Variants in CTNNA3 observed in about 807,000 individuals in gnomAD.
CTNNA3 encodes catenin alpha 3.
Under a neutral mutation model 95.7 loss-of-function variants are expected in CTNNA3, and 76 were observed. That is an observed-to-expected ratio of 0.79 (90% CI 0.66 to 0.96). CTNNA3 has a LOEUF of 0.96. Among genes scored for constraint, CTNNA3 ranks in the 40% least tolerant of loss-of-function variants. The pLI is 0.00. For synonymous variants in CTNNA3, 431 were observed against 374.4 expected, an observed-to-expected ratio of 1.15 and a Z score of -1.74; for missense variants, 1,191 against 1,089.8, an observed-to-expected ratio of 1.09 and a Z score of -1.31.
chr10:67,762,381 C>G (rs1841466433), intron 1 of CTNNA3, among the ~76,000 whole-genome samples: 1 of 149,076 alleles, frequency 6.7e-6, no homozygotes, highest in African/African-American at 2.5e-5. Context: ...CCCTCCCCCC[C>G]CCAAAAAAAA....
At chr10:66,563,698 T>C (rs1284128280) in intron 10 of CTNNA3, among the ~76,000 whole-genome samples, 1 of 151,954 alleles carries the variant, frequency 6.6e-6, no homozygotes, top group Non-Finnish European at 1.5e-5. Context: ...CACAAGGAAA[T>C]TCCTTGTGGA....
chr10:67,750,220 C>A lies in CTNNA3; in HGVS notation c.-2+13214G>T, dbSNP rs139976182. ...AGACCAAGAACCCACTGGAAGGAACCAACTCTGGACACAGCAGGACGTGAG... is the reference window on the plus strand; with the variant it reads ...AGACCAAGAACCCACTGGAAGGAACAAACTCTGGACACAGCAGGACGTGAG... On this transcript the variant is annotated intron_variant, in intron 1 of 17. Coordinates refer to the CTNNA3 transcript ENST00000684154. The A allele has an allele frequency of 5.8e-4, 846 of 1,449,012 alleles. 6 individuals carry two copies. In the African/African-American group the frequency reaches 0.01, roughly 18 times the overall value. The allele number at this position is 1,449,012 out of a possible 1,614,324, so 89.8% of individuals were successfully genotyped here. A position where few individuals can be genotyped will look rare whatever the true frequency, so the allele number is the denominator to read the frequency against.
chr10:66,390,738 G>C (rs12414395), intron 11 of CTNNA3, among the ~76,000 whole-genome samples: 24,702 of 152,046 alleles, frequency 0.16, 2,740 homozygotes, highest in East Asian at 0.45. Context: ...GCTTATCTAT[G>C]TACTTACAGA....
At chr10:66,999,032 T>C (rs988495434) in intron 7 of CTNNA3, among the ~76,000 whole-genome samples, 3 of 152,154 alleles carry the variant, frequency 2.0e-5, no homozygotes, top group African/African-American at 7.2e-5. Flanking sequence ...AATGTATTTA[T>C]TACTATTTTA....
chr10:67,762,551 GAAGGA>G (rs1250832666), intron 1 of CTNNA3, among the ~76,000 whole-genome samples: 7 of 152,152 alleles, frequency 4.6e-5, no homozygotes. Context: ...CAACTGCACA[GAAGGA>G]AAGATAAAAA....
intron 7 of CTNNA3, among the ~76,000 whole-genome samples, chr10:67,014,453 C>T (rs770106450): frequency 1.3e-5 from 2 of 152,046 alleles, no homozygotes; most frequent in South Asian, 2.1e-4. Context: ...CCAGGTGGTG[C>T]CTGTTTGTAA....
chr10:66,067,011 C>T (rs181737615), intron 15 of CTNNA3, among the ~76,000 whole-genome samples: 14 of 151,688 alleles, frequency 9.2e-5, no homozygotes, highest in South Asian at 4.2e-4. Flanking sequence ...AAAAAATATA[C>T]GCCAAAATGA....
chr10:66,929,043 G>A (rs1312437337), intron 7 of CTNNA3, among the ~76,000 whole-genome samples: 1 of 152,184 alleles, frequency 6.6e-6, no homozygotes. Context: ...TTCCAGAGGT[G>A]TCTGAATTAC....
At chr10:66,960,134 C>T (rs886341655) in intron 7 of CTNNA3, among the ~76,000 whole-genome samples, 1 of 152,100 alleles carries the variant, frequency 6.6e-6, no homozygotes, top group Non-Finnish European at 1.5e-5. Flanking sequence ...TTTCCTCAAG[C>T]TCTCTGCCTT....
intron 12 of CTNNA3, among the ~76,000 whole-genome samples, chr10:66,302,901 A>C (rs1046148314): frequency 1.3e-5 from 2 of 152,184 alleles, no homozygotes; most frequent in Non-Finnish European, 2.9e-5. Context: ...CAGGAATACA[A>C]GTTTATTTTA....
At chr10:67,531,838 G>A (rs1840337843) in intron 4 of CTNNA3, among the ~76,000 whole-genome samples, 1 of 152,146 alleles carries the variant, frequency 6.6e-6, no homozygotes, top group South Asian at 2.1e-4. Context: ...ACCAGTGGGA[G>A]GTGATTGAAT....
intron 5 of CTNNA3, among the ~76,000 whole-genome samples, chr10:67,293,163 CAAGTAGACTT>C (rs1449130333): frequency 6.6e-6 from 1 of 152,082 alleles, no homozygotes; most frequent in African/African-American, 2.4e-5. Context: ...TAAGCTTGAT[CAAGTAGACTT>C]TCTTTTTTAT....
chr10:67,658,141 C>T (rs1433085323), intron 1 of CTNNA3, among the ~76,000 whole-genome samples: 4 of 152,206 alleles, frequency 2.6e-5, no homozygotes. Context: ...TAAAGTTGGA[C>T]TGCCTGGGTG....
At chr10:67,460,738 A>G (rs1847344663) in intron 5 of CTNNA3, among the ~76,000 whole-genome samples, 1 of 152,086 alleles carries the variant, frequency 6.6e-6, no homozygotes, top group African/African-American at 2.4e-5. Flanking sequence ...AAGGCCATTT[A>G]TTTTTCCAAT....
chr10:67,104,818 G>T (rs941275936), intron 7 of CTNNA3, among the ~76,000 whole-genome samples: 6 of 151,952 alleles, frequency 3.9e-5, no homozygotes, highest in African/African-American at 1.2e-4. Context: ...AAATGATCAC[G>T]TCTATAACTG....
chr10:67,373,555 A>G (rs1734386675), intron 5 of CTNNA3, among the ~76,000 whole-genome samples: 1 of 152,216 alleles, frequency 6.6e-6, no homozygotes, highest in Non-Finnish European at 1.5e-5. Context: ...TGTCAACATT[A>G]GACAGATCCA....
intron 5 of CTNNA3, among the ~76,000 whole-genome samples, chr10:67,459,527 A>G (rs1193051015): frequency 1.3e-5 from 2 of 152,168 alleles, no homozygotes; most frequent in Non-Finnish European, 2.9e-5. Flanking sequence ...TGAATGTTTT[A>G]TAAGTCTTCT....
At chr10:66,619,644 A>G (rs1405702958) in intron 10 of CTNNA3, among the ~76,000 whole-genome samples, 1 of 149,560 alleles carries the variant, frequency 6.7e-6, no homozygotes, top group Non-Finnish European at 1.5e-5. Context: ...GCACACCAGC[A>G]TGGCACATTT....
intron 13 of CTNNA3, among the ~76,000 whole-genome samples, chr10:66,190,816 A>C (rs998538618): frequency 1.3e-5 from 2 of 152,076 alleles, no homozygotes; most frequent in African/African-American, 4.8e-5. Flanking sequence ...TTGAGTGAAT[A>C]AATCAAGTTC....
Sources: gnomAD v4.1 joint callset for allele counts (sites outside exome capture counted in the v4.1 genomes callset) on GRCh38, gnomAD v4.1.1 for gene constraint, MANE v1.5 for transcripts, NCBI Gene and HGNC (gene_info 2026-07-23, HGNC 2026-07-21) for gene names.